EMCN: variants seen among roughly 807,000 people sequenced by gnomAD.
EMCN encodes MUC-14.
A neutral mutation model predicts 38.4 loss-of-function variants in EMCN; 37 were observed. That is an observed-to-expected ratio of 0.96 (90% CI 0.74 to 1.27). The LOEUF is 1.27. Among genes scored for constraint, EMCN ranks in the 50% most tolerant of loss-of-function variants. EMCN has a pLI of 0.00. For missense variants in EMCN, 318 were observed against 302.8 expected, an observed-to-expected ratio of 1.05 and a Z score of -0.37; for synonymous variants, 95 against 100.8, an observed-to-expected ratio of 0.94 and a Z score of 0.35.
chr4:100,399,342 T>A (rs778815999), intron 11 of EMCN, among the ~76,000 whole-genome samples: 3 of 151,956 alleles, frequency 2.0e-5, no homozygotes, highest in African/African-American at 7.2e-5. Context: ...GAGCATGATA[T>A]GGTGTGTGTG....
intron 4 of EMCN, among the ~76,000 whole-genome samples, chr4:100,453,512 C>T (rs1429705283): frequency 6.6e-6 from 1 of 152,124 alleles, no homozygotes; most frequent in African/African-American, 2.4e-5. Flanking sequence ...CATTAAAAAG[C>T]CAGGAAACAA....
chr4:100,404,484 C>G (rs1227003815), intron 11 of EMCN, among the ~76,000 whole-genome samples: 3 of 151,670 alleles, frequency 2.0e-5, no homozygotes, highest in African/African-American at 7.3e-5. Flanking sequence ...TCATACTGTA[C>G]TAGTTACTGT....
intron 2 of EMCN, among the ~76,000 whole-genome samples, chr4:100,478,008 A>T (rs1728706905): frequency 6.6e-6 from 1 of 152,216 alleles, no homozygotes; most frequent in African/African-American, 2.4e-5. Flanking sequence ...AGATGGGCAT[A>T]TTAAGTGTAC....
At chr4:100,482,506 C>T (rs915047591) in intron 1 of EMCN, among the ~76,000 whole-genome samples, 1 of 152,070 alleles carries the variant, frequency 6.6e-6, no homozygotes, top group Non-Finnish European at 1.5e-5. Flanking sequence ...ATAATATATC[C>T]ATGCAGGGAG....
At chr4:100,488,716 A>C (rs953752770) in intron 1 of EMCN, among the ~76,000 whole-genome samples, 3 of 152,154 alleles carry the variant, frequency 2.0e-5, no homozygotes, top group Admixed American at 6.6e-5. Flanking sequence ...AGAACATGAT[A>C]TTTGACTGAG....
intron 4 of EMCN, among the ~76,000 whole-genome samples, chr4:100,453,032 A>G (rs984140182): frequency 6.6e-6 from 1 of 152,190 alleles, no homozygotes; most frequent in Non-Finnish European, 1.5e-5. Flanking sequence ...TTAATTCAAG[A>G]TGGGTTAAAG....
At chr4:100,501,878 A>G (rs866587129) in intron 1 of EMCN, among the ~76,000 whole-genome samples, 23 of 151,360 alleles carry the variant, frequency 1.5e-4, no homozygotes, top group Middle Eastern at 6.9e-3. Flanking sequence ...ATAAGTTCTC[A>G]TAAATACTGT....
chr4:100,417,714 G>T (rs761655088), intron 8 of EMCN, among the ~76,000 whole-genome samples: 6 of 152,170 alleles, frequency 3.9e-5, no homozygotes, highest in Admixed American at 6.5e-5. Context: ...TTGCCAGGCT[G>T]CTTCACAGCT....
chr4:100,509,667 G>A (rs956696044), intron 1 of EMCN, among the ~76,000 whole-genome samples: 5 of 152,158 alleles, frequency 3.3e-5, no homozygotes, highest in African/African-American at 9.7e-5. Flanking sequence ...AATTCAATGT[G>A]TGATACAAAT....
chr4:100,475,697 A>G (rs1438080324), intron 2 of EMCN, among the ~76,000 whole-genome samples: 4 of 96,254 alleles, frequency 4.2e-5, no homozygotes, highest in Non-Finnish European at 5.4e-5. Flanking sequence ...TTTTTTTTGG[A>G]GACAGAATCT....
At chr4:100,483,610 T>C (rs1728869615) in intron 1 of EMCN, among the ~76,000 whole-genome samples, 1 of 152,146 alleles carries the variant, frequency 6.6e-6, no homozygotes. Flanking sequence ...AATTTCCCAC[T>C]GGATAACACT....
At chr4:100,510,331 G>A (rs2110310136) in intron 1 of EMCN, among the ~76,000 whole-genome samples, 1 of 152,154 alleles carries the variant, frequency 6.6e-6, no homozygotes, top group East Asian at 1.9e-4. Context: ...TGCATATAAT[G>A]TATAAAATTG....
At chr4:100,467,484 C>G (rs1337626416) in intron 3 of EMCN, among the ~76,000 whole-genome samples, 2 of 151,800 alleles carry the variant, frequency 1.3e-5, no homozygotes, top group Admixed American at 1.3e-4. Flanking sequence ...CGAGACCATC[C>G]TGGCTAACAC....
intron 2 of EMCN, among the ~76,000 whole-genome samples, chr4:100,477,970 C>T (rs1021582398): frequency 6.6e-6 from 1 of 152,128 alleles, no homozygotes. Context: ...TCCTTTATTA[C>T]TGTATACTAA....
intron 4 of EMCN, among the ~76,000 whole-genome samples, chr4:100,464,062 T>G (rs1728251982): frequency 6.6e-6 from 1 of 151,970 alleles, no homozygotes; most frequent in African/African-American, 2.4e-5. Context: ...TAATGTATCT[T>G]TAGATATTTA....
At chr4:100,507,677 G>A (rs1195632791) in intron 1 of EMCN, among the ~76,000 whole-genome samples, 1 of 152,172 alleles carries the variant, frequency 6.6e-6, no homozygotes, top group Non-Finnish European at 1.5e-5. Context: ...CTTCCCAGCT[G>A]TCTTAGACAG....
chr4:100,476,192 T>A (rs1196331866), intron 2 of EMCN, among the ~76,000 whole-genome samples: 2 of 132,268 alleles, frequency 1.5e-5, no homozygotes, highest in Non-Finnish European at 3.3e-5. Context: ...CCTCCCTTCT[T>A]CCTTCCTTCC....
chr4:100,508,917 A>G (rs1418339650), intron 1 of EMCN, among the ~76,000 whole-genome samples: 1 of 152,214 alleles, frequency 6.6e-6, no homozygotes, highest in Non-Finnish European at 1.5e-5. Flanking sequence ...AGTTTAGCCA[A>G]CCAAACGAGT....
chr4:100,498,853 G>T (rs1409352111), intron 1 of EMCN, among the ~76,000 whole-genome samples: 1 of 152,174 alleles, frequency 6.6e-6, no homozygotes, highest in Non-Finnish European at 1.5e-5. Context: ...GCTAGGTGAT[G>T]ATATAAACAT....
Sources: gnomAD v4.1 joint callset for allele counts (sites outside exome capture counted in the v4.1 genomes callset) on GRCh38, gnomAD v4.1.1 for gene constraint, MANE v1.5 for transcripts, NCBI Gene and HGNC (gene_info 2026-07-23, HGNC 2026-07-21) for gene names.